SLC12A2: variants seen among roughly 807,000 people sequenced by gnomAD.
SLC12A2 encodes solute carrier family 12 member 2.
SLC12A2 carries 67 observed loss-of-function variants against 136.3 expected under a neutral mutation model. That is an observed-to-expected ratio of 0.49 (90% CI 0.40 to 0.60). The LOEUF is 0.60. Among genes scored for constraint, SLC12A2 ranks in the 20% least tolerant of loss-of-function variants. The pLI, the probability that SLC12A2 is intolerant of heterozygous loss-of-function variation, is 0.00. For synonymous variants in SLC12A2, 619 were observed against 562.9 expected (o/e 1.10, Z -1.41); for missense variants, 1,322 against 1,534.7 (o/e 0.86, Z 2.32).
At chr5:128,099,022 G>T (rs1222014623) in intron 1 of SLC12A2, among the ~76,000 whole-genome samples, 3 of 152,152 alleles carry the variant, frequency 2.0e-5, no homozygotes, top group African/African-American at 7.2e-5. Context: ...TGACAAAAGT[G>T]CAGCTACATC....
chr5:128,136,420 C>T (rs566544251), intron 7 of SLC12A2, among the ~76,000 whole-genome samples: 51 of 152,242 alleles, frequency 3.3e-4, no homozygotes, highest in African/African-American at 1.2e-3. Context: ...TATACCTGCA[C>T]AGTTTCTCTA....
At chr5:128,180,658 G>A (rs745966066) in intron 22 of SLC12A2, among the ~76,000 whole-genome samples, 10 of 152,016 alleles carry the variant, frequency 6.6e-5, no homozygotes, top group Non-Finnish European at 1.3e-4. Flanking sequence ...GACCTTACCA[G>A]GCCACTATCC....
chr5:128,172,701 C>G (rs1763416360), intron 19 of SLC12A2, among the ~76,000 whole-genome samples: 1 of 152,150 alleles, frequency 6.6e-6, no homozygotes, highest in Admixed American at 6.5e-5. Context: ...TGGCCCATGC[C>G]TGTAATCCCA....
chr5:128,138,705 A>G lies in SLC12A2; in HGVS notation c.1517A>G (p.Asn506Ser). The G allele has an allele frequency of 6.2e-7, 1 of 1,613,536 alleles. No individual in the cohort carries two copies. The highest frequency in any genetic ancestry group is 8.5e-7 in the Non-Finnish European group (1 of 1,179,710). ...GCAACTGGTATTCTGGCTGGAGCAA[A>G]TATCTCAGGTGATCTTGCAGTAAGT... The part of the protein sequence containing the change: ...PAATGILAGA[N>S]ISGDLADPQS... The change falls in exon 8 of 27, where the codon AAT (asparagine) becomes AGT (serine). Residue 506 changes from asparagine (N) to serine (S), a missense_variant. Physicochemically the swap from Asn to Ser is conservative, Grantham distance 46. Transcript: ENST00000262461.
chr5:128,084,725 C>A lies in SLC12A2; in HGVS notation c.756+15C>A. ...AGCTGGAAAAGGTGAGCTCGCCCAGCCCTCCCTTCTTCCCCAGCCCCTGGT... is the reference window on the plus strand; with the variant it reads ...AGCTGGAAAAGGTGAGCTCGCCCAGACCTCCCTTCTTCCCCAGCCCCTGGT... On this transcript the variant is annotated intron_variant, in intron 1 of 26. Coordinates refer to ENST00000262461, the MANE Select transcript of SLC12A2 (RefSeq NM_001046.3). This position sits in a 1 kb window ranked among gnomAD's most constrained non-coding sequence, Gnocchi z 5.6. The A allele has an allele frequency of 6.4e-7, 1 of 1,554,076 alleles. No individual in the cohort carries two copies. Among genetic ancestry groups the A allele is most frequent in the South Asian group, 1.2e-5 (1 of 83,078 alleles).
intron 5 of SLC12A2, among the ~76,000 whole-genome samples, chr5:128,131,833 C>T (rs549551746): frequency 1.1e-4 from 17 of 152,054 alleles, no homozygotes; most frequent in African/African-American, 3.4e-4. Context: ...TGGAGAAACC[C>T]GGTCTCTACT....
intron 7 of SLC12A2, 25 bp downstream of exon 7, chr5:128,135,833 T>G: frequency 8.1e-7 from 1 of 1,228,358 alleles, no homozygotes; most frequent in Non-Finnish European, 1.2e-6. Context: ...TTCAATATTT[T>G]TTAAGGGTAC....
At chr5:128,129,258 A>AT (rs1231257713) in intron 4 of SLC12A2, among the ~76,000 whole-genome samples, 1 of 152,044 alleles carries the variant, frequency 6.6e-6, no homozygotes, top group Non-Finnish European at 1.5e-5. Flanking sequence ...TAATTCATTA[A>AT]TTTTTAAAAC....
Position 128,114,469 on chromosome 5 carries a change from A to T in SLC12A2, c.953-117A>T, listed in dbSNP as rs960945692. On this transcript the variant is annotated intron_variant, in intron 3 of 26. Coordinates refer to ENST00000262461, the MANE Select transcript of SLC12A2 (RefSeq NM_001046.3). ...TTGGTTTTTATAAAATGAGATCAAA[A>T]TTGGGTAATTTATAACTTAAAATGT... 11 of 834,730 alleles carry T rather than the reference A, an allele frequency of 1.3e-5. No homozygotes were observed. The African/African-American group carries it at 1.7e-4, about 13-fold the overall frequency. 51.7% of individuals were successfully genotyped at this position (834,730 alleles called of 1,614,324 possible). A position where few individuals can be genotyped will look rare whatever the true frequency, so the allele number is the denominator to read the frequency against.
At chr5:128,162,218 A>G (rs539937639) in intron 17 of SLC12A2, among the ~76,000 whole-genome samples, 34 of 152,276 alleles carry the variant, frequency 2.2e-4, no homozygotes, top group African/African-American at 7.2e-4. Flanking sequence ...TTTATAGGAA[A>G]GAAAGCCCTG....
At chr5:128,118,117 G>A (rs142868708) in intron 4 of SLC12A2, among the ~76,000 whole-genome samples, 1 of 152,176 alleles carries the variant, frequency 6.6e-6, no homozygotes, top group African/African-American at 2.4e-5. Context: ...TACACTGTTG[G>A]TGGAAATGTA....
Position 128,126,966 on chromosome 5 carries a change from A to ATATATATATATAATTTT in SLC12A2, c.1049-4100_1049-4099insATATATATATAATTTTT. 2.6e-3 allele frequency among the ~76,000 whole-genome samples: 54 copies of ATATATATATATAATTTT among 21,160 alleles called. 5 individuals carry two copies. The highest frequency in any genetic ancestry group is 0.01 in the African/African-American group (42 of 4,030). The allele number at this position is 21,160 out of a possible 152,430, so 13.9% of individuals were successfully genotyped here. ...CATATATATATATATATATATATAT[A>ATATATATATATAATTTT]TTTTTTTTTTTTTTTTTTTTTGCAT... On this transcript the variant is annotated intron_variant, in intron 4 of 26. Transcript: ENST00000262461.
intron 1 of SLC12A2, among the ~76,000 whole-genome samples, chr5:128,092,727 A>G (rs1760381530): frequency 6.6e-6 from 1 of 152,174 alleles, no homozygotes; most frequent in East Asian, 1.9e-4. Flanking sequence ...TCAGACAAAC[A>G]TTTCAATGGT....
rs769601544 is a variant in SLC12A2 at position 128,184,498 on chromosome 5, C to T, written c.3432C>T (p.Thr1144=). The T allele has an allele frequency of 4.4e-6, 7 of 1,583,730 alleles. No individual in the cohort carries two copies. Among genetic ancestry groups the T allele is most frequent in the Non-Finnish European group, 6.0e-6 (7 of 1,170,422 alleles). The change falls in exon 25 of 27, where the codon ACC becomes ACT. Residue 1144 remains threonine (T), a synonymous_variant. Transcript: ENST00000262461. Reference sequence around the variant, plus strand: ...ATAATGAGCTTGAACTTTATAAGACCAAGGTATTCTCTTCTGCTTCCTTTT... The same window carrying T: ...ATAATGAGCTTGAACTTTATAAGACTAAGGTATTCTCTTCTGCTTCCTTTT... ...ITDNELELYK[T]KTYRQIRLNE...
chr5:128,129,516 G>A (rs1034637129), intron 4 of SLC12A2, among the ~76,000 whole-genome samples: 1 of 151,406 alleles, frequency 6.6e-6, no homozygotes, highest in Admixed American at 6.6e-5. Context: ...AACTAAGAAA[G>A]TTTTATAGTG....
chr5:128,105,346 G>A lies in SLC12A2; in HGVS notation c.757-7468G>A, dbSNP rs79763573. On this transcript the variant is annotated intron_variant, in intron 1 of 26. Transcript: ENST00000262461. ...AAATACGGGATGAGCAAGGGAGGGGGGTATAGGACCAAGTGCTAAAGGAAC... is the reference window on the plus strand; with the variant it reads ...AAATACGGGATGAGCAAGGGAGGGGAGTATAGGACCAAGTGCTAAAGGAAC... 2.4e-3 allele frequency among the ~76,000 whole-genome samples: 358 copies of A among 152,268 alleles called. 1 individual carries two copies. The highest frequency in any genetic ancestry group is 8.2e-3 in the African/African-American group (340 of 41,572).
intron 1 of SLC12A2, among the ~76,000 whole-genome samples, chr5:128,108,108 C>T (rs1018959376): frequency 6.6e-6 from 1 of 151,792 alleles, no homozygotes; most frequent in African/African-American, 2.4e-5. Flanking sequence ...TTAATGGTTT[C>T]TGTGTTCATA....
At chr5:128,085,758 T>C (rs1357772544) in intron 1 of SLC12A2, among the ~76,000 whole-genome samples, 1 of 152,218 alleles carries the variant, frequency 6.6e-6, no homozygotes, top group Non-Finnish European at 1.5e-5. Flanking sequence ...TTGGATATGA[T>C]TATTTGATCT....
In SLC12A2 at chr5:128,173,001, T is replaced by A. The variant is rs567435963; in HGVS notation, c.2803+1255T>A. On this transcript the variant is annotated intron_variant, in intron 19 of 26. Coordinates refer to ENST00000262461, the MANE Select transcript of SLC12A2 (RefSeq NM_001046.3). ...ACAAAAAAAAAACAACTGTGAAGAT[T>A]TTTATATCCTTTGAAGATTTTCTGA... Among the ~76,000 whole-genome samples, 410 of 152,116 alleles carry A rather than the reference T, an allele frequency of 2.7e-3. 1 individual carries two copies. Among genetic ancestry groups the A allele is most frequent in the African/African-American group, 9.6e-3 (399 of 41,504 alleles).
Sources: allele counts gnomAD v4.1 joint callset (sites outside exome capture counted in the v4.1 genomes callset), GRCh38; gene constraint gnomAD v4.1.1; non-coding constraint Gnocchi (gnomAD v3.1); transcripts MANE v1.5; gene names NCBI Gene and HGNC (gene_info 2026-07-23, HGNC 2026-07-21).